AGBL4: variants seen among roughly 807,000 people sequenced by gnomAD.
The protein encoded by AGBL4 is cytosolic carboxypeptidase 6.
Under a neutral mutation model 66.4 loss-of-function variants are expected in AGBL4, and 58 were observed. That is an observed-to-expected ratio of 0.87 (90% CI 0.71 to 1.09). The LOEUF is 1.09. Among genes scored for constraint, AGBL4 ranks in the 50% least tolerant of loss-of-function variants. The pLI, the probability that AGBL4 is intolerant of heterozygous loss-of-function variation, is 0.00. For synonymous variants in AGBL4, 234 were observed against 222.9 expected (o/e 1.05, Z -0.44); for missense variants, 579 against 631.0 (o/e 0.92, Z 0.88).
At chr1:49,131,811 T>C (rs1343549220) in intron 4 of AGBL4, among the ~76,000 whole-genome samples, 1 of 152,130 alleles carries the variant, frequency 6.6e-6, no homozygotes, top group Non-Finnish European at 1.5e-5. Flanking sequence ...TGAGTGTTGA[T>C]GACATCTTCT....
intron 9 of AGBL4, 105 bp from the exon 10 acceptor site, chr1:48,591,090 A>ACCCCC (rs151241264): frequency 1.7e-5 from 9 of 527,452 alleles, no homozygotes; most frequent in South Asian, 1.1e-4. Flanking sequence ...ACACCCACCC[A>ACCCCC]CCCCCCCCCA....
chr1:49,878,549 T>C (rs1217357375), intron 1 of AGBL4, among the ~76,000 whole-genome samples: 1 of 152,150 alleles, frequency 6.6e-6, no homozygotes, highest in East Asian at 1.9e-4. Context: ...TTCTGTTCTT[T>C]TACATTTGCT....
At chr1:49,737,633 C>T (rs1467191773) in intron 2 of AGBL4, among the ~76,000 whole-genome samples, 1 of 152,042 alleles carries the variant, frequency 6.6e-6, no homozygotes, top group Non-Finnish European at 1.5e-5. Flanking sequence ...CAGCACCATA[C>T]AATATTCCCA....
At chr1:49,648,764 C>T (rs1009790763) in intron 3 of AGBL4, among the ~76,000 whole-genome samples, 10 of 151,392 alleles carry the variant, frequency 6.6e-5, no homozygotes, top group African/African-American at 2.4e-4. Context: ...ACGAAATTAT[C>T]CTTCAAAAAT....
chr1:48,889,976 C>A (rs1650768301), intron 5 of AGBL4, among the ~76,000 whole-genome samples: 1 of 132,562 alleles, frequency 7.5e-6, no homozygotes, highest in Non-Finnish European at 1.6e-5. Context: ...CACTCAAGAT[C>A]ACAGCCTGCT....
At chr1:49,601,547 C>T (rs982200837) in intron 3 of AGBL4, among the ~76,000 whole-genome samples, 10 of 152,080 alleles carry the variant, frequency 6.6e-5, no homozygotes, top group African/African-American at 2.4e-4. Flanking sequence ...GAAATACCAC[C>T]ACACATCTAC....
intron 11 of AGBL4, among the ~76,000 whole-genome samples, chr1:48,582,704 CAA>C (rs1428427841): frequency 2.0e-5 from 3 of 152,146 alleles, no homozygotes; most frequent in African/African-American, 7.2e-5. Flanking sequence ...AATAACCATG[CAA>C]AGTGAGTACT....
chr1:50,018,995 C>T (rs148108309), intron 1 of AGBL4, among the ~76,000 whole-genome samples: 2 of 151,944 alleles, frequency 1.3e-5, no homozygotes, highest in African/African-American at 4.8e-5. Flanking sequence ...TAGCAAAATC[C>T]AACCCAAATT....
At chr1:48,689,559 G>A (rs1385131551) in intron 6 of AGBL4, among the ~76,000 whole-genome samples, 2 of 151,318 alleles carry the variant, frequency 1.3e-5, no homozygotes. Flanking sequence ...CCAGGCACTA[G>A]GGCTGGGGTA....
intron 5 of AGBL4, among the ~76,000 whole-genome samples, chr1:48,901,356 C>T (rs555578049): frequency 9.2e-5 from 14 of 152,268 alleles, no homozygotes; most frequent in African/African-American, 3.1e-4. Context: ...CCAGACATTC[C>T]ACTCCTGGGT....
intron 3 of AGBL4, among the ~76,000 whole-genome samples, chr1:49,589,946 A>C (rs1279089314): frequency 6.6e-6 from 1 of 152,076 alleles, no homozygotes; most frequent in Non-Finnish European, 1.5e-5. Context: ...TCCTATAGTA[A>C]TAAATTGACA....
intron 9 of AGBL4, among the ~76,000 whole-genome samples, chr1:48,595,406 G>T (rs1197663794): frequency 6.6e-6 from 1 of 151,864 alleles, no homozygotes; most frequent in African/African-American, 2.4e-5. Context: ...GTAAACAAAT[G>T]CATCTTAAGT....
intron 5 of AGBL4, among the ~76,000 whole-genome samples, chr1:48,993,242 G>T (rs1660745670): frequency 6.6e-6 from 1 of 152,164 alleles, no homozygotes; most frequent in African/African-American, 2.4e-5. Flanking sequence ...CAAAGTAGCA[G>T]ATTCCCTTCT....
At chr1:49,485,172 G>C (rs1647038554) in intron 3 of AGBL4, among the ~76,000 whole-genome samples, 1 of 151,794 alleles carries the variant, frequency 6.6e-6, no homozygotes, top group African/African-American at 2.4e-5. Flanking sequence ...GTTTAATGTG[G>C]CACTATTCAC....
chr1:49,852,157 G>C (rs1646319720), intron 1 of AGBL4, among the ~76,000 whole-genome samples: 1 of 152,058 alleles, frequency 6.6e-6, no homozygotes, highest in Admixed American at 6.6e-5. Flanking sequence ...TCTCAATTAA[G>C]TACAAAATTA....
intron 9 of AGBL4, among the ~76,000 whole-genome samples, chr1:48,614,492 A>G (rs982107410): frequency 6.6e-6 from 1 of 152,226 alleles, no homozygotes; most frequent in Non-Finnish European, 1.5e-5. Flanking sequence ...ATCAAAGTGT[A>G]GCCCAAAGAA....
chr1:48,693,106 C>G (rs1646658806), intron 6 of AGBL4, among the ~76,000 whole-genome samples: 1 of 152,192 alleles, frequency 6.6e-6, no homozygotes, highest in Non-Finnish European at 1.5e-5. Flanking sequence ...CTACTCATTT[C>G]TTTGTATATT....
At chr1:49,762,566 C>T (rs1652413263) in intron 2 of AGBL4, among the ~76,000 whole-genome samples, 1 of 152,072 alleles carries the variant, frequency 6.6e-6, no homozygotes, top group Admixed American at 6.5e-5. Flanking sequence ...GCGCCTGCCA[C>T]CATGCCCAGC....
At chr1:48,629,559 G>A (rs1167654761) in intron 9 of AGBL4, among the ~76,000 whole-genome samples, 1 of 152,140 alleles carries the variant, frequency 6.6e-6, no homozygotes, top group Admixed American at 6.6e-5. Context: ...AGATGGTGAG[G>A]GCAGGTTAGG....
Sources: allele counts gnomAD v4.1 joint callset (sites outside exome capture counted in the v4.1 genomes callset), GRCh38; gene constraint gnomAD v4.1.1; transcripts MANE v1.5; gene names NCBI Gene and HGNC (gene_info 2026-07-23, HGNC 2026-07-21).